The following DOCK8 variants were observed in gnomAD, a reference collection of about 807,000 sequenced individuals.
DOCK8 encodes the protein dedicator of cytokinesis protein 8.
Under a neutral mutation model 245.6 loss-of-function variants are expected in DOCK8, and 141 were observed. That is an observed-to-expected ratio of 0.57 (90% CI 0.50 to 0.66). The LOEUF (loss-of-function observed/expected upper bound fraction) is 0.66. Among genes scored for constraint, DOCK8 ranks in the 30% least tolerant of loss-of-function variants. The probability of loss-of-function intolerance (pLI) is 0.00; values close to 1 mark genes in which losing one functional copy is unlikely to be tolerated. For synonymous variants in DOCK8, 1,168 were observed against 970.2 expected (o/e 1.20, Z -3.79); for missense variants, 2,965 against 2,603.4 (o/e 1.14, Z -3.02).
chr9:291,292 A>G (rs904416538), intron 4 of DOCK8, among the ~76,000 whole-genome samples: 1 of 151,978 alleles, frequency 6.6e-6, no homozygotes, highest in Non-Finnish European at 1.5e-5. Context: ...CACAAATGTA[A>G]GAGAAAAAAA....
At chr9:357,313 G>A (rs2052491507) in intron 14 of DOCK8, among the ~76,000 whole-genome samples, 1 of 152,148 alleles carries the variant, frequency 6.6e-6, no homozygotes. Context: ...GTAGTAATAA[G>A]AGTTGTGCTG....
chr9:339,023 C>G lies in DOCK8; in HGVS notation c.1440C>G (p.Ser480Arg). The change falls in exon 13 of 48, where the codon AGC becomes AGG. Residue 480 changes from serine to arginine, a missense_variant. By Grantham distance (110) the Ser-to-Arg change is moderately radical. Coordinates refer to ENST00000432829, the MANE Select transcript of DOCK8 (RefSeq NM_203447.4). ...CTTGGCAGGAAGGAGATCGCCTTAG[C>G]GATGAAGACTTATTCAAGTTTTTAG... ...SFFKQEGDRL[S>R]DEDLFKFLAD... is the part of the protein sequence containing the mutation. The G allele has an allele frequency of 1.2e-6, 2 of 1,614,068 alleles. No individual in the cohort carries two copies. Among genetic ancestry groups the G allele is most frequent in the South Asian group, 1.1e-5 (1 of 91,086 alleles).
At chr9:281,849 T>G (rs1327499773) in intron 2 of DOCK8, among the ~76,000 whole-genome samples, 1 of 152,208 alleles carries the variant, frequency 6.6e-6, no homozygotes, top group African/African-American at 2.4e-5. Flanking sequence ...TACACCACAT[T>G]TGGAATGACC....
At chr9:221,605 A>G (rs1039292952) in intron 1 of DOCK8, among the ~76,000 whole-genome samples, 2 of 151,726 alleles carry the variant, frequency 1.3e-5, no homozygotes, top group Non-Finnish European at 2.9e-5. Flanking sequence ...TGAAGTCAGA[A>G]GTTTGAGACC....
intron 1 of DOCK8, among the ~76,000 whole-genome samples, chr9:223,352 A>T (rs1004420167): frequency 1.3e-5 from 2 of 152,162 alleles, no homozygotes; most frequent in Non-Finnish European, 2.9e-5. Flanking sequence ...ATTGTGTTCT[A>T]AGTGCTGTGC....
chr9:273,771 T>C (rs1651517674), intron 2 of DOCK8, among the ~76,000 whole-genome samples: 2 of 149,534 alleles, frequency 1.3e-5, no homozygotes, highest in African/African-American at 5.0e-5. Flanking sequence ...CATCGCAACC[T>C]CTGCCTCCTA....
intron 6 of DOCK8, among the ~76,000 whole-genome samples, chr9:315,222 C>T (rs938548808): frequency 6.6e-6 from 1 of 152,178 alleles, no homozygotes; most frequent in South Asian, 2.1e-4. Context: ...CATACTGTCT[C>T]TTTCTCTCTC....
chr9:382,820 G>A (rs1483980614), intron 22 of DOCK8, 135 bp downstream of exon 22: 1 of 1,153,770 alleles, frequency 8.7e-7, no homozygotes, highest in Admixed American at 2.1e-5. Flanking sequence ...CAGCTTTGGA[G>A]TGATTAACGT....
chr9:309,941 G>T (rs1018033520), intron 5 of DOCK8, among the ~76,000 whole-genome samples: 4 of 152,032 alleles, frequency 2.6e-5, no homozygotes, highest in Non-Finnish European at 1.5e-5. Context: ...AATGAGCCAG[G>T]GTTTCACTTT....
At chr9:246,273 C>T (rs2047504027) in intron 1 of DOCK8, among the ~76,000 whole-genome samples, 1 of 151,994 alleles carries the variant, frequency 6.6e-6, no homozygotes, top group Admixed American at 6.6e-5. Flanking sequence ...ATAATCCCAA[C>T]ACTGGAAGGC....
chr9:409,408 G>A (rs905593696), intron 28 of DOCK8, among the ~76,000 whole-genome samples: 1 of 152,096 alleles, frequency 6.6e-6, no homozygotes, highest in Non-Finnish European at 1.5e-5. Flanking sequence ...CTAAGAACAA[G>A]AAAAACTTTT....
In DOCK8 at chr9:461,399, AT is replaced by A. The variant is rs141500990; in HGVS notation, c.6069-2111del. Among the ~76,000 whole-genome samples, 968 of 150,374 alleles carry A rather than the reference AT, an allele frequency of 6.4e-3. 9 individuals are homozygous for A. The highest frequency in any genetic ancestry group is 0.023 in the African/African-American group (934 of 40,868). ...TATGTTTCTTAACCAATTTTTTCAT[AT>A]TTTTTTATTTTTTAAATCTCATTGG... On this transcript the variant is annotated intron_variant, in intron 46 of 47. Transcript: ENST00000432829.
At chr9:402,804 A>G (rs2055173300) in intron 26 of DOCK8, among the ~76,000 whole-genome samples, 2 of 152,198 alleles carry the variant, frequency 1.3e-5, no homozygotes, top group South Asian at 4.1e-4. Context: ...GGGTAGGGGC[A>G]TTGTGGGTCT....
chr9:286,102 A>G (rs10968012), intron 2 of DOCK8, among the ~76,000 whole-genome samples: 6,071 of 152,270 alleles, frequency 0.04, 268 homozygotes, highest in African/African-American at 0.11. Context: ...ATTTGGGTAA[A>G]CAAAACATGG....
intron 1 of DOCK8, among the ~76,000 whole-genome samples, chr9:249,066 GGT>G (rs1352289407): frequency 1.3e-5 from 2 of 152,108 alleles, no homozygotes; most frequent in African/African-American, 4.8e-5. Flanking sequence ...TTCCGCTCTT[GGT>G]ACCTGTTGTT....
chr9:398,724 C>A lies in DOCK8; in HGVS notation c.3121-422C>A, dbSNP rs1251206346. 3.3e-5 allele frequency among the ~76,000 whole-genome samples: 5 copies of A among 151,394 alleles called. No homozygotes were observed. The East Asian group carries it at 7.7e-4, about 23-fold the overall frequency. On this transcript the variant is annotated intron_variant, in intron 25 of 47. Transcript: ENST00000432829. The stretch of plus-strand genomic sequence containing the variant: ...AATTCTTTTATCCTGATTGGATTTT[C>A]TGTAATAATCCTTAAAAATTAAGAA...
At chr9:457,893 T>C (rs1184248482) in intron 46 of DOCK8, among the ~76,000 whole-genome samples, 1 of 152,206 alleles carries the variant, frequency 6.6e-6, no homozygotes, top group South Asian at 2.1e-4. Context: ...TAGGCTCTTA[T>C]CACCCACACA....
intron 26 of DOCK8, among the ~76,000 whole-genome samples, chr9:403,858 ATC>A (rs749646963): frequency 0.045 from 3,805 of 83,816 alleles, 156 homozygotes; most frequent in Admixed American, 0.076. Context: ...AAGACTCTGT[ATC>A]TCTCTCTCTC....
chr9:283,501 A>G (rs890633781), intron 2 of DOCK8, among the ~76,000 whole-genome samples: 2 of 152,130 alleles, frequency 1.3e-5, no homozygotes, highest in African/African-American at 4.8e-5. Flanking sequence ...CCATCACCCA[A>G]ATAGCATCCA....
Sources: gnomAD v4.1 joint callset for allele counts (sites outside exome capture counted in the v4.1 genomes callset) on GRCh38, gnomAD v4.1.1 for gene constraint, MANE v1.5 for transcripts, NCBI Gene and HGNC (gene_info 2026-07-23, HGNC 2026-07-21) for gene names.